The following SEMA6D variants were observed in gnomAD, a reference collection of about 807,000 sequenced individuals.
SEMA6D encodes semaphorin-6D.
SEMA6D carries 35 observed loss-of-function variants against 106.6 expected under a neutral mutation model. The ratio of observed to expected loss-of-function variants is 0.33; its 90% CI spans 0.25 to 0.44. SEMA6D has a LOEUF of 0.44. Among genes scored for constraint, SEMA6D ranks in the 20% least tolerant of loss-of-function variants. SEMA6D has a pLI of 1.00. For synonymous variants in SEMA6D, 499 were observed against 487.7 expected, an observed-to-expected ratio of 1.02 and a Z score of -0.31; for missense variants, 1,185 against 1,345.9, an observed-to-expected ratio of 0.88 and a Z score of 1.87.
intron 2 of SEMA6D, among the ~76,000 whole-genome samples, chr15:47,442,246 C>T (rs189550572): frequency 6.6e-6 from 1 of 152,120 alleles, no homozygotes; most frequent in African/African-American, 2.4e-5. Context: ...GATGTGTGAC[C>T]TACTTGCCAA....
At chr15:47,605,520 T>A (rs1172510009) in intron 4 of SEMA6D, among the ~76,000 whole-genome samples, 1 of 152,130 alleles carries the variant, frequency 6.6e-6, no homozygotes, top group Non-Finnish European at 1.5e-5. Context: ...AAGGGCTTAA[T>A]CCCACAAGAC....
At chr15:47,506,599 A>ACACAC (rs1555382656) in intron 3 of SEMA6D, among the ~76,000 whole-genome samples, 6,267 of 137,768 alleles carry the variant, frequency 0.045, 205 homozygotes, top group East Asian at 0.14. Context: ...CACACACACA[A>ACACAC]ACACACACAC....
chr15:47,659,503 G>A (rs1410123127), intron 4 of SEMA6D, among the ~76,000 whole-genome samples: 2 of 151,792 alleles, frequency 1.3e-5, no homozygotes, highest in Admixed American at 6.6e-5. Flanking sequence ...AGAATAAATA[G>A]GATCATAATT....
intron 1 of SEMA6D, among the ~76,000 whole-genome samples, chr15:47,212,883 G>A (rs2030179098): frequency 6.6e-6 from 1 of 152,182 alleles, no homozygotes; most frequent in East Asian, 1.9e-4. Context: ...TGAAGGTTAA[G>A]TGACGTTACA....
chr15:47,414,390 A>AGG (rs1270619863), intron 2 of SEMA6D, among the ~76,000 whole-genome samples: 1 of 152,148 alleles, frequency 6.6e-6, no homozygotes, highest in African/African-American at 2.4e-5. Context: ...AGATGTCAGA[A>AGG]GGGGCTGAGT....
At chr15:47,605,674 C>A (rs1190021121) in intron 4 of SEMA6D, among the ~76,000 whole-genome samples, 1 of 152,188 alleles carries the variant, frequency 6.6e-6, no homozygotes, top group East Asian at 1.9e-4. Context: ...TAGAATTACT[C>A]ACAGAACTCA....
At chr15:47,411,898 A>G (rs2040811940) in intron 1 of SEMA6D, among the ~76,000 whole-genome samples, 1 of 151,464 alleles carries the variant, frequency 6.6e-6, no homozygotes, top group Non-Finnish European at 1.5e-5. Context: ...CTTGAGTAAG[A>G]GTATAGGTTA....
chr15:47,638,299 G>A (rs1287186238), intron 4 of SEMA6D, among the ~76,000 whole-genome samples: 2 of 152,022 alleles, frequency 1.3e-5, no homozygotes, highest in Non-Finnish European at 2.9e-5. Flanking sequence ...TGGGAGGGGT[G>A]AGTAAGATGA....
intron 2 of SEMA6D, among the ~76,000 whole-genome samples, chr15:47,454,557 A>G (rs2042287203): frequency 2.0e-5 from 3 of 151,614 alleles, no homozygotes; most frequent in Admixed American, 6.6e-5. Flanking sequence ...TGAGACAGCT[A>G]AAGATGCCTT....
At chr15:47,285,907 A>G (rs2035339521) in intron 1 of SEMA6D, among the ~76,000 whole-genome samples, 1 of 152,194 alleles carries the variant, frequency 6.6e-6, no homozygotes, top group African/African-American at 2.4e-5. Flanking sequence ...TTACTAACTT[A>G]TTACTAACAT....
chr15:47,512,380 G>A (rs150962561), intron 3 of SEMA6D, among the ~76,000 whole-genome samples: 2 of 152,280 alleles, frequency 1.3e-5, no homozygotes, highest in African/African-American at 2.4e-5. Flanking sequence ...TGCATCATGC[G>A]CAATATCCAC....
At chr15:47,606,102 T>C (rs994564337) in intron 4 of SEMA6D, among the ~76,000 whole-genome samples, 1 of 152,114 alleles carries the variant, frequency 6.6e-6, no homozygotes, top group African/African-American at 2.4e-5. Flanking sequence ...ATCACCCTAC[T>C]ACTTTTTTTA....
intron 4 of SEMA6D, among the ~76,000 whole-genome samples, chr15:47,610,675 T>C (rs1024496430): frequency 1.3e-5 from 2 of 152,220 alleles, no homozygotes; most frequent in African/African-American, 2.4e-5. Context: ...TTAGTCTTGG[T>C]ACCATTTTTC....
At chr15:47,371,255 C>A (rs532049896) in intron 1 of SEMA6D, among the ~76,000 whole-genome samples, 1 of 152,322 alleles carries the variant, frequency 6.6e-6, no homozygotes, top group East Asian at 1.9e-4. Flanking sequence ...CAAACGTGCC[C>A]TCACAGTCCA....
intron 1 of SEMA6D, among the ~76,000 whole-genome samples, chr15:47,367,739 AAGAG>A (rs1209847154): frequency 5.4e-5 from 8 of 147,688 alleles, no homozygotes; most frequent in South Asian, 2.2e-4. Context: ...GAGAGAGAGA[AAGAG>A]AGAGAGAGTT....
intron 4 of SEMA6D, chr15:47,606,367 T>C (rs775256198): frequency 3.9e-5 from 6 of 152,144 alleles, no homozygotes; most frequent in Non-Finnish European, 5.9e-5. Context: ...CTGGAGATAG[T>C]TCTCTGTGTG....
At chr15:47,454,486 A>G (rs2042285046) in intron 2 of SEMA6D, among the ~76,000 whole-genome samples, 1 of 151,892 alleles carries the variant, frequency 6.6e-6, no homozygotes, top group Admixed American at 6.6e-5. Flanking sequence ...AAGACTACCC[A>G]GCAAGAATGC....
At chr15:47,562,943 T>C (rs777714688) in intron 3 of SEMA6D, among the ~76,000 whole-genome samples, 6 of 152,140 alleles carry the variant, frequency 3.9e-5, no homozygotes, top group Admixed American at 2.6e-4. Context: ...TGTCCATCAA[T>C]TGACAAATGC....
At chr15:47,758,244 A>G (rs1219673904) in intron 1 of SEMA6D, among the ~76,000 whole-genome samples, 1 of 152,220 alleles carries the variant, frequency 6.6e-6, no homozygotes, top group Non-Finnish European at 1.5e-5. Flanking sequence ...TATTTAGAGC[A>G]TTGGATAGCA....
Sources: allele counts gnomAD v4.1 joint callset (sites outside exome capture counted in the v4.1 genomes callset), GRCh38; gene constraint gnomAD v4.1.1; transcripts MANE v1.5; gene names NCBI Gene and HGNC (gene_info 2026-07-23, HGNC 2026-07-21).